Variants in DAAM1 observed in about 807,000 individuals in gnomAD.
The protein encoded by DAAM1 is disheveled-associated activator of morphogenesis 1.
DAAM1 carries 52 observed loss-of-function variants against 130.0 expected under a neutral mutation model. That is an observed-to-expected ratio of 0.40 (90% CI 0.32 to 0.50). The LOEUF (loss-of-function observed/expected upper bound fraction) is 0.50. DAAM1 is among the 20% of genes least tolerant of loss of function. The pLI is 0.61. For missense variants in DAAM1, 1,134 were observed against 1,303.8 expected, an observed-to-expected ratio of 0.87 and a Z score of 2.01; for synonymous variants, 452 against 444.5, an observed-to-expected ratio of 1.02 and a Z score of -0.21.
intron 23 of DAAM1, among the ~76,000 whole-genome samples, chr14:59,364,499 C>G (rs1886835630): frequency 1.3e-5 from 2 of 152,164 alleles, no homozygotes; most frequent in African/African-American, 4.8e-5. Flanking sequence ...AATGCATTCA[C>G]ATTCATATAC....
At chr14:59,325,604 C>A in intron 8 of DAAM1, 60 bp from the exon 9 acceptor site, 1 of 1,433,740 alleles carries the variant, frequency 7.0e-7, no homozygotes, top group Non-Finnish European at 9.8e-7. Flanking sequence ...TGTCCTCAGT[C>A]TTATGCACCT....
At chr14:59,263,150 C>T (rs200462446) in intron 1 of DAAM1, among the ~76,000 whole-genome samples, 1 of 152,188 alleles carries the variant, frequency 6.6e-6, no homozygotes, top group Non-Finnish European at 1.5e-5. Context: ...ATGTGATGTA[C>T]AAAGAACAGA....
rs1393891451 is a variant in DAAM1, at chr14:59,271,288, C to T, written c.183+7628C>T. On this transcript the variant is annotated intron_variant, in intron 2 of 24. Transcript: ENST00000360909. The stretch of plus-strand genomic sequence containing the variant: ...GTCACAAAACCACTATTTATACTAC[C>T]GAGAAAATATAAAAGGAAAACTAAA... 2.6e-5 allele frequency among the ~76,000 whole-genome samples: 4 copies of T among 151,218 alleles called. No individual in the cohort carries two copies. The East Asian group carries it at 5.8e-4, about 22-fold the overall frequency.
At position 59,369,371 on chromosome 14, in the gene DAAM1, T is replaced by A. The variant is rs1887055337; in HGVS notation, c.*512T>A. On this transcript the variant is annotated 3_prime_UTR_variant, in exon 25 of 25. Transcript: ENST00000360909. ...TTAAAATGATTTTTGATAGCTGACA[T>A]TGTGATGTTGATGTATCACATCAGT... The A allele has an allele frequency of 6.5e-6, 1 of 153,160 alleles. No homozygotes were observed. Among genetic ancestry groups the A allele is most frequent in the African/African-American group, 2.4e-5 (1 of 41,450 alleles). The allele number at this position is 153,160 out of a possible 1,614,324, so 9.5% of individuals were successfully genotyped here.
chr14:59,238,853 A>G (rs1344946519), intron 1 of DAAM1, among the ~76,000 whole-genome samples: 1 of 152,184 alleles, frequency 6.6e-6, no homozygotes, highest in Non-Finnish European at 1.5e-5. Context: ...CATTTATTTC[A>G]AAGATAATTT....
chr14:59,294,564 AT>A (rs34245569), intron 3 of DAAM1, among the ~76,000 whole-genome samples: 309 of 146,196 alleles, frequency 2.1e-3, no homozygotes, highest in East Asian at 0.011. Flanking sequence ...ATCCACTGTC[AT>A]TTTTTTTTTT....
chr14:59,298,884 G>T (rs1884062279), intron 3 of DAAM1, among the ~76,000 whole-genome samples: 1 of 152,188 alleles, frequency 6.6e-6, no homozygotes, highest in Non-Finnish European at 1.5e-5. Flanking sequence ...GAATGGTCTT[G>T]TGCTCACAGT....
At chr14:59,190,370 A>G (rs972286348) in intron 1 of DAAM1, among the ~76,000 whole-genome samples, 1 of 152,110 alleles carries the variant, frequency 6.6e-6, no homozygotes, top group Non-Finnish European at 1.5e-5. Flanking sequence ...TAGCCGCATC[A>G]TTTCCCCAAT....
chr14:59,252,558 T>TA (rs1881694310), intron 1 of DAAM1, among the ~76,000 whole-genome samples: 2 of 152,348 alleles, frequency 1.3e-5, no homozygotes, highest in African/African-American at 4.8e-5. Context: ...GCCCTTGATT[T>TA]AGTGATGACA....
chr14:59,220,808 G>C (rs1888745855), intron 1 of DAAM1, among the ~76,000 whole-genome samples: 1 of 152,164 alleles, frequency 6.6e-6, no homozygotes, highest in Non-Finnish European at 1.5e-5. Context: ...AGATGTTTCA[G>C]CTCTAGGAGA....
chr14:59,361,378 C>A (rs1886699140), intron 22 of DAAM1, among the ~76,000 whole-genome samples: 1 of 152,156 alleles, frequency 6.6e-6, no homozygotes, highest in African/African-American at 2.4e-5. Context: ...GCAGCCACTT[C>A]CCTCAGCCTG....
At chr14:59,326,786 A>G (rs1885219680) in intron 11 of DAAM1, 138 bp downstream of exon 11, 2 of 1,497,780 alleles carry the variant, frequency 1.3e-6, no homozygotes, top group African/African-American at 2.8e-5. Context: ...CATGCACTAT[A>G]GCTAAGTAAC....
chr14:59,196,531 C>T (rs984958273), intron 1 of DAAM1, among the ~76,000 whole-genome samples: 6 of 152,164 alleles, frequency 3.9e-5, no homozygotes, highest in African/African-American at 1.4e-4. Flanking sequence ...ATCACAAGGT[C>T]AGGAAGTCGA....
chr14:59,280,693 A>G (rs549808350), intron 2 of DAAM1, among the ~76,000 whole-genome samples: 5 of 152,146 alleles, frequency 3.3e-5, no homozygotes, highest in African/African-American at 1.2e-4. Flanking sequence ...GATAAATTCC[A>G]CAAAGTACAG....
chr14:59,311,042 G>A (rs950596870), intron 3 of DAAM1, among the ~76,000 whole-genome samples: 3 of 152,080 alleles, frequency 2.0e-5, no homozygotes, highest in African/African-American at 7.2e-5. Context: ...TTAAGAAAGT[G>A]TCCTGTGCTA....
chr14:59,278,922 T>A (rs1242795785), intron 2 of DAAM1, among the ~76,000 whole-genome samples: 1 of 148,532 alleles, frequency 6.7e-6, no homozygotes, highest in East Asian at 2.1e-4. Context: ...GCCAACTCCT[T>A]GGTTTATCTA....
chr14:59,195,648 G>T (rs1277340671), intron 1 of DAAM1, among the ~76,000 whole-genome samples: 6 of 152,160 alleles, frequency 3.9e-5, no homozygotes, highest in Non-Finnish European at 8.8e-5. Flanking sequence ...TTGCCTATCT[G>T]ATAGACTTCC....
At chr14:59,225,601 C>G (rs1888916763) in intron 1 of DAAM1, among the ~76,000 whole-genome samples, 2 of 152,108 alleles carry the variant, frequency 1.3e-5, no homozygotes, top group Non-Finnish European at 2.9e-5. Flanking sequence ...GTGAGGACAC[C>G]TGAGGCTAGG....
At chr14:59,300,793 T>G (rs573843027) in intron 3 of DAAM1, among the ~76,000 whole-genome samples, 1 of 152,316 alleles carries the variant, frequency 6.6e-6, no homozygotes, top group African/African-American at 2.4e-5. Context: ...CTAAACAATA[T>G]ATACTGTTTC....
Sources: gnomAD v4.1 joint callset for allele counts (sites outside exome capture counted in the v4.1 genomes callset) on GRCh38, gnomAD v4.1.1 for gene constraint, MANE v1.5 for transcripts, NCBI Gene and HGNC (gene_info 2026-07-23, HGNC 2026-07-21) for gene names.